The following DEPTOR variants were observed in gnomAD, a reference collection of about 807,000 sequenced individuals.
DEPTOR encodes the protein DEP domain-containing mTOR-interacting protein.
Under a neutral mutation model 41.6 loss-of-function variants are expected in DEPTOR, and 41 were observed. The ratio of observed to expected loss-of-function variants is 0.98; its 90% CI spans 0.77 to 1.28. DEPTOR has a LOEUF of 1.28. Ranked by LOEUF, DEPTOR falls within the 50% of genes most tolerant of loss-of-function variation. The pLI is 0.00. For synonymous variants in DEPTOR, 195 were observed against 192.3 expected, an observed-to-expected ratio of 1.01 and a Z score of -0.12; for missense variants, 514 against 527.9, an observed-to-expected ratio of 0.97 and a Z score of 0.26.
At chr8:119,986,132 T>C (rs111288676) in intron 4 of DEPTOR, among the ~76,000 whole-genome samples, 2,361 of 152,246 alleles carry the variant, frequency 0.016, 69 homozygotes, top group African/African-American at 0.054. Context: ...TCAATGGTCT[T>C]TACAATTTGG....
At chr8:119,990,541 G>A (rs1812141817) in intron 4 of DEPTOR, among the ~76,000 whole-genome samples, 1 of 152,212 alleles carries the variant, frequency 6.6e-6, no homozygotes, top group Non-Finnish European at 1.5e-5. Flanking sequence ...ATTTCTGGCA[G>A]TAAGACACAG....
chr8:119,985,447 A>G (rs1828816695), intron 4 of DEPTOR, among the ~76,000 whole-genome samples: 1 of 152,128 alleles, frequency 6.6e-6, no homozygotes, highest in African/African-American at 2.4e-5. Context: ...GACTCTAGAT[A>G]TTAGCCCTTT....
chr8:119,921,522 T>C (rs1206187836), intron 1 of DEPTOR, among the ~76,000 whole-genome samples: 5 of 152,172 alleles, frequency 3.3e-5, no homozygotes, highest in Admixed American at 3.3e-4. Context: ...TGTCTAAAAA[T>C]ATTGAGTTCT....
chr8:119,887,409 A>C (rs1432504167), intron 1 of DEPTOR, among the ~76,000 whole-genome samples: 6 of 116 alleles, frequency 0.052, no homozygotes, highest in African/African-American at 0.1. Context: ...CCCTATCCCC[A>C]TCCCCTCCCC....
rs147073895 is a variant in DEPTOR, at chr8:119,929,877, G to A, written c.364G>A (p.Gly122Ser). The change falls in exon 3 of 9, where the codon GGC (glycine) becomes AGC (serine). Residue 122 changes from glycine (G) to serine (S), a missense_variant. Transcript: ENST00000286234. Reference protein sequence around the residue: ...KLFYRFRKDDGTFPLDNEVKA... With the variant: ...KLFYRFRKDDSTFPLDNEVKA... ...CTTCTACCGCTTTAGAAAGGATGAC[G>A]GCACCTTCCCATTGGATAATGAAGT... The A allele has an allele frequency of 4.3e-6, 7 of 1,613,724 alleles. No individual in the cohort carries two copies. The highest frequency in any genetic ancestry group is 5.9e-6 in the Non-Finnish European group (7 of 1,179,860).
At chr8:119,935,988 T>C (rs1828106089) in intron 3 of DEPTOR, among the ~76,000 whole-genome samples, 1 of 147,930 alleles carries the variant, frequency 6.8e-6, no homozygotes, top group African/African-American at 2.5e-5. Context: ...CATAGACACA[T>C]TAGTCTAGTT....
At chr8:120,030,839 A>G (rs1812880442) in intron 8 of DEPTOR, among the ~76,000 whole-genome samples, 1 of 151,894 alleles carries the variant, frequency 6.6e-6, no homozygotes, top group South Asian at 2.1e-4. Flanking sequence ...TCTGTCACCC[A>G]GGCTAGAGTG....
rs35642906 is a variant in DEPTOR, at chr8:119,992,656, A to ATT, written c.605-8851_605-8850dup. On this transcript the variant is annotated intron_variant, in intron 4 of 8. Coordinates refer to ENST00000286234, the MANE Select transcript of DEPTOR (RefSeq NM_022783.4). The stretch of plus-strand genomic sequence containing the variant: ...CCTTCCAACTAGATAAGTAGAGTAA[A>ATT]TTTTTTTTTTTTTTTTTTTGAGACA... 1.3e-3 allele frequency among the ~76,000 whole-genome samples: 177 copies of ATT among 133,772 alleles called. 1 individual carries two copies. The highest frequency in any genetic ancestry group is 4.3e-3 in the Middle Eastern group (1 of 234). The allele number at this position is 133,772 out of a possible 152,430, so 87.8% of individuals were successfully genotyped here. A position where few individuals can be genotyped will look rare whatever the true frequency, so the allele number is the denominator to read the frequency against.
intron 4 of DEPTOR, among the ~76,000 whole-genome samples, chr8:119,990,447 T>C (rs1003256906): frequency 6.6e-6 from 1 of 152,188 alleles, no homozygotes; most frequent in Non-Finnish European, 1.5e-5. Context: ...TGAGCCACCA[T>C]GCCCGGCCAC....
At chr8:119,925,706 C>A (rs1586617730) in intron 1 of DEPTOR, among the ~76,000 whole-genome samples, 1 of 152,122 alleles carries the variant, frequency 6.6e-6, no homozygotes, top group East Asian at 1.9e-4. Flanking sequence ...CTCACTGCAA[C>A]CTCTGCCTCC....
intron 1 of DEPTOR, among the ~76,000 whole-genome samples, chr8:119,877,625 G>T (rs917873493): frequency 6.6e-6 from 1 of 152,220 alleles, no homozygotes; most frequent in African/African-American, 2.4e-5. Flanking sequence ...GGAAACCAAG[G>T]ACTGGGATTT....
chr8:120,039,554 A>G (rs1372988889), intron 8 of DEPTOR, among the ~76,000 whole-genome samples: 1 of 117,796 alleles, frequency 8.5e-6, no homozygotes, highest in Non-Finnish European at 1.7e-5. Context: ...GGAATAATCA[A>G]AATAATTTTT....
Position 120,002,792 on chromosome 8 carries a change from ATAT to A in DEPTOR, c.791-184_791-182del, listed in dbSNP as rs1441390557. 5.5e-3 allele frequency among the ~76,000 whole-genome samples: 134 copies of A among 24,386 alleles called. 9 individuals are homozygous for A. The East Asian group carries it at 0.056, about 10-fold the overall frequency. 16.0% of individuals were successfully genotyped at this position (24,386 alleles called of 152,430 possible). On this transcript the variant is annotated intron_variant, in intron 5 of 8. Coordinates refer to ENST00000286234, the MANE Select transcript of DEPTOR (RefSeq NM_022783.4). ...ACTCCATCTCAAAAAAAAAAAAAAA[ATAT>A]ATATATATATATATATAATATAAAG...
At chr8:119,955,337 CCTAT>C (rs1024345769) in intron 3 of DEPTOR, among the ~76,000 whole-genome samples, 30 of 152,154 alleles carry the variant, frequency 2.0e-4, no homozygotes, top group Admixed American at 1.0e-3. Flanking sequence ...CTTTTGGCCT[CCTAT>C]CTAAGAAAAC....
intron 4 of DEPTOR, among the ~76,000 whole-genome samples, chr8:119,987,626 C>G (rs1378084719): frequency 6.6e-6 from 1 of 152,150 alleles, no homozygotes; most frequent in Non-Finnish European, 1.5e-5. Context: ...TGAAGCGGCG[C>G]CAACAGCTGC....
intron 3 of DEPTOR, among the ~76,000 whole-genome samples, chr8:119,962,462 A>C (rs1828506130): frequency 6.6e-6 from 1 of 152,068 alleles, no homozygotes; most frequent in Non-Finnish European, 1.5e-5. Context: ...GGTGGGGAGA[A>C]GAGAGGGAGA....
chr8:119,874,333 G>A, intron 1 of DEPTOR: 1 of 300,830 alleles, frequency 3.3e-6, no homozygotes. Context: ...CCTCATCCGC[G>A]AAGAGAGCAA....
chr8:120,023,301 C>T (rs547110910), intron 8 of DEPTOR, among the ~76,000 whole-genome samples: 5 of 152,002 alleles, frequency 3.3e-5, no homozygotes, highest in South Asian at 4.2e-4. Flanking sequence ...AGTGCAGTGG[C>T]GCAATCTTGG....
intron 4 of DEPTOR, among the ~76,000 whole-genome samples, chr8:119,967,753 CA>C (rs369574750): frequency 0.019 from 1,606 of 85,052 alleles, 9 homozygotes; most frequent in Middle Eastern, 0.028. Flanking sequence ...GACTTCGTCC[CA>C]AAAAAAAAAA....
Sources: gnomAD v4.1 joint callset for allele counts (sites outside exome capture counted in the v4.1 genomes callset) on GRCh38, gnomAD v4.1.1 for gene constraint, MANE v1.5 for transcripts, NCBI Gene and HGNC (gene_info 2026-07-23, HGNC 2026-07-21) for gene names.